Variants in NRXN3 observed in about 807,000 individuals in gnomAD.
NRXN3 encodes the protein neurexin 3.
NRXN3 carries 32 observed loss-of-function variants against 137.6 expected under a neutral mutation model. The observed-to-expected ratio is 0.23, with a 90% CI of 0.18 to 0.31. The LOEUF (loss-of-function observed/expected upper bound fraction) is 0.31. Among genes scored for constraint, NRXN3 ranks in the 10% least tolerant of loss-of-function variants. NRXN3 has a pLI of 1.00. For synonymous variants in NRXN3, 798 were observed against 784.5 expected (o/e 1.02, Z -0.29); for missense variants, 1,574 against 2,062.5 (o/e 0.76, Z 4.59).
chr14:78,945,029 A>G (rs1026342707), intron 10 of NRXN3, among the ~76,000 whole-genome samples: 9 of 152,194 alleles, frequency 5.9e-5, no homozygotes, highest in African/African-American at 2.2e-4. Flanking sequence ...AGTTAAAATG[A>G]CAGGACTATT....
At chr14:79,359,345 A>G (rs1056474085) in intron 15 of NRXN3, among the ~76,000 whole-genome samples, 1 of 152,116 alleles carries the variant, frequency 6.6e-6, no homozygotes, top group African/African-American at 2.4e-5. Flanking sequence ...TTCCCTACAG[A>G]GTTATTTTCT....
chr14:79,565,440 T>C (rs1300730550), intron 16 of NRXN3, among the ~76,000 whole-genome samples: 1 of 151,510 alleles, frequency 6.6e-6, no homozygotes, highest in African/African-American at 2.4e-5. Context: ...AATGAGCTTT[T>C]TCTTTTAAAA....
chr14:79,554,366 T>C (rs2097407102), intron 16 of NRXN3, among the ~76,000 whole-genome samples: 5 of 152,192 alleles, frequency 3.3e-5, no homozygotes, highest in Admixed American at 3.3e-4. Context: ...AAACATTTCA[T>C]GTGCTTTTAG....
At chr14:78,863,132 G>A (rs939461051) in intron 10 of NRXN3, among the ~76,000 whole-genome samples, 6 of 152,032 alleles carry the variant, frequency 3.9e-5, no homozygotes, top group Non-Finnish European at 8.8e-5. Flanking sequence ...TTAAAACCAC[G>A]AGTATCCCTG....
intron 15 of NRXN3, among the ~76,000 whole-genome samples, chr14:79,446,897 G>C (rs930112823): frequency 2.0e-5 from 3 of 152,146 alleles, no homozygotes; most frequent in Non-Finnish European, 4.4e-5. Context: ...GTACAATACA[G>C]TATTAGTAAC....
chr14:78,671,891 G>C (rs1266660020), intron 6 of NRXN3, among the ~76,000 whole-genome samples: 1 of 152,188 alleles, frequency 6.6e-6, no homozygotes, highest in Admixed American at 6.5e-5. Context: ...AGAATATTGG[G>C]AGACACTTAT....
rs370919411 is a variant in NRXN3 at position 79,723,096 on chromosome 14, G to A, written c.4014+25159G>A. Among the ~76,000 whole-genome samples, 16 of 152,204 alleles carry A rather than the reference G, an allele frequency of 1.1e-4. 1 individual carries two copies. In the South Asian group the frequency reaches 3.1e-3, roughly 30 times the overall value. ...CAATCTCGAAGGAATAGGAGTCTAGGAAACCTAGGATATAAGTGAGCACAT... is the reference window on the plus strand; with the variant it reads ...CAATCTCGAAGGAATAGGAGTCTAGAAAACCTAGGATATAAGTGAGCACAT... On this transcript the variant is annotated intron_variant, in intron 19 of 20. Coordinates refer to ENST00000335750, the MANE Select transcript of NRXN3 (RefSeq NM_001330195.2).
At chr14:78,384,889 A>G (rs1333443472) in intron 4 of NRXN3, among the ~76,000 whole-genome samples, 1 of 152,174 alleles carries the variant, frequency 6.6e-6, no homozygotes, top group Non-Finnish European at 1.5e-5. Flanking sequence ...CCCACTCTAG[A>G]CTTTAAGACG....
chr14:78,979,223 C>G (rs2099481792), intron 14 of NRXN3, among the ~76,000 whole-genome samples: 2 of 152,154 alleles, frequency 1.3e-5, no homozygotes, highest in South Asian at 4.2e-4. Context: ...ATATAATGAC[C>G]AGGTATCTGG....
intron 20 of NRXN3, among the ~76,000 whole-genome samples, chr14:79,806,187 G>A (rs1211384606): frequency 1.3e-5 from 2 of 152,000 alleles, no homozygotes; most frequent in Non-Finnish European, 2.9e-5. Flanking sequence ...TTTTTGCATT[G>A]CTTTCAGATT....
chr14:78,899,706 A>G (rs1374086069), intron 10 of NRXN3, among the ~76,000 whole-genome samples: 1 of 152,044 alleles, frequency 6.6e-6, no homozygotes, highest in East Asian at 1.9e-4. Context: ...TTTGCATGTT[A>G]TATAAATGTA....
At position 79,319,503 on chromosome 14, in the gene NRXN3, G is replaced by A. The variant is rs1345088043; in HGVS notation, c.3263-147718G>A. 2.0e-5 allele frequency among the ~76,000 whole-genome samples: 3 copies of A among 152,180 alleles called. No homozygotes were observed. In the East Asian group the frequency reaches 5.8e-4, roughly 29 times the overall value. ...AATTAACAATTAGCATTTAACAGCAGTAAAAACTGCTTAGCGGAAGCAGAC... is the reference window on the plus strand; with the variant it reads ...AATTAACAATTAGCATTTAACAGCAATAAAAACTGCTTAGCGGAAGCAGAC... On this transcript the variant is annotated intron_variant, in intron 15 of 20. Transcript: ENST00000335750.
In NRXN3 at chr14:79,197,447, A is replaced by G. The variant is rs371162645; in HGVS notation, c.3262+209306A>G. Among the ~76,000 whole-genome samples, 16 of 152,324 alleles carry G rather than the reference A, an allele frequency of 1.1e-4. No homozygotes were observed. The East Asian group carries it at 3.1e-3, about 29-fold the overall frequency. On this transcript the variant is annotated intron_variant, in intron 15 of 20. Transcript: ENST00000335750. ...GCTTACCCCGAACAAGAGTCTTAGT[A>G]AATTGACCAGCTGAGTCATTTGAAC... is the stretch of plus-strand genomic sequence containing the variant.
chr14:78,803,541 G>A (rs1036224056), intron 8 of NRXN3, 79 bp from the exon 9 acceptor site: 75 of 1,343,250 alleles, frequency 5.6e-5, no homozygotes, highest in Admixed American at 2.0e-4. Flanking sequence ...CTCTCTACTC[G>A]CTTAGCCTGA....
intron 16 of NRXN3, among the ~76,000 whole-genome samples, chr14:79,547,451 A>C (rs1220476504): frequency 1.3e-5 from 2 of 152,232 alleles, no homozygotes; most frequent in African/African-American, 2.4e-5. Context: ...AAATTCAATT[A>C]ATTAGCAAGC....
intron 10 of NRXN3, among the ~76,000 whole-genome samples, chr14:78,850,307 A>G (rs1177918900): frequency 6.6e-6 from 1 of 152,132 alleles, no homozygotes; most frequent in East Asian, 1.9e-4. Flanking sequence ...ATGGTCTCTC[A>G]GTGACAAAGT....
At chr14:78,525,668 A>G (rs2096367395) in intron 4 of NRXN3, among the ~76,000 whole-genome samples, 1 of 152,134 alleles carries the variant, frequency 6.6e-6, no homozygotes, top group Admixed American at 6.5e-5. Context: ...AAATTAAAAT[A>G]CCCCTGAGAT....
chr14:79,397,810 A>T (rs2095069578), intron 15 of NRXN3, among the ~76,000 whole-genome samples: 1 of 152,198 alleles, frequency 6.6e-6, no homozygotes, highest in African/African-American at 2.4e-5. Context: ...AGAAAGACAC[A>T]TTGACAATAG....
intron 15 of NRXN3, among the ~76,000 whole-genome samples, chr14:79,061,107 C>T (rs1276855558): frequency 6.6e-6 from 1 of 152,128 alleles, no homozygotes; most frequent in Non-Finnish European, 1.5e-5. Flanking sequence ...GGTCTACAGT[C>T]AGAAGGAGAT....
Sources: allele counts gnomAD v4.1 joint callset (sites outside exome capture counted in the v4.1 genomes callset), GRCh38; gene constraint gnomAD v4.1.1; transcripts MANE v1.5; gene names NCBI Gene and HGNC (gene_info 2026-07-23, HGNC 2026-07-21).